Variants in SLC22A9 observed in about 807,000 individuals in gnomAD.
SLC22A9 encodes solute carrier family 22 member 9, also known as organic anion transporter 7.
Under a neutral mutation model 50.1 loss-of-function variants are expected in SLC22A9, and 64 were observed. The observed-to-expected ratio is 1.28, with a 90% CI of 1.04 to 1.57. The LOEUF (loss-of-function observed/expected upper bound fraction) is 1.57, where lower values mean the gene tolerates loss of function less well. Among genes scored for constraint, SLC22A9 ranks in the 40% most tolerant of loss-of-function variants. SLC22A9 has a pLI of 0.00. For missense variants in SLC22A9, 757 were observed against 676.1 expected, an observed-to-expected ratio of 1.12 and a Z score of -1.33; for synonymous variants, 261 against 242.5, an observed-to-expected ratio of 1.08 and a Z score of -0.71.
In SLC22A9 at chr11:63,392,127, TC is replaced by T. The variant is rs571609497; in HGVS notation, c.1073+9852del. Among the ~76,000 whole-genome samples the T allele has an allele frequency of 2.6e-3, 402 of 152,212 alleles. 10 individuals are homozygous for T. The highest frequency in any genetic ancestry group is 0.023 in the Admixed American group (351 of 15,282). On this transcript the variant is annotated intron_variant, in intron 6 of 9. Coordinates refer to ENST00000279178, the MANE Select transcript of SLC22A9 (RefSeq NM_080866.3). Reference sequence around the variant, plus strand: ...AAAATGTCTACACTGTAACTTTGTCTCCTGGCTTTTTAACCTTTTCTTGTTT... The same window carrying T: ...AAAATGTCTACACTGTAACTTTGTCTCTGGCTTTTTAACCTTTTCTTGTTT...
chr11:63,383,939 C>G (rs2014612904), intron 6 of SLC22A9, among the ~76,000 whole-genome samples: 1 of 151,802 alleles, frequency 6.6e-6, no homozygotes, highest in Admixed American at 6.6e-5. Flanking sequence ...GTCCCAGCTA[C>G]TTGGGAGGCT....
At chr11:63,375,614 C>T (rs750173995) in intron 4 of SLC22A9, 31 bp from the exon 5 acceptor site, 11 of 1,599,366 alleles carry the variant, frequency 6.9e-6, no homozygotes, top group South Asian at 5.6e-5. Flanking sequence ...AAGTGAAAGT[C>T]GACTGCCCCT....
intron 6 of SLC22A9, among the ~76,000 whole-genome samples, chr11:63,403,076 C>A (rs573218456): frequency 6.6e-6 from 1 of 152,032 alleles, no homozygotes; most frequent in African/African-American, 2.4e-5. Context: ...TGGACAGATT[C>A]TAAGAATTTC....
intron 5 of SLC22A9, among the ~76,000 whole-genome samples, chr11:63,380,429 A>C (rs909664309): frequency 6.6e-6 from 1 of 152,206 alleles, no homozygotes; most frequent in East Asian, 1.9e-4. Flanking sequence ...AAGACATGGA[A>C]TCAACCTAAA....
intron 5 of SLC22A9, among the ~76,000 whole-genome samples, chr11:63,376,861 A>T (rs2119882434): frequency 6.6e-6 from 1 of 152,168 alleles, no homozygotes; most frequent in African/African-American, 2.4e-5. Flanking sequence ...GAAAAATCTA[A>T]CAAGCAAATG....
In SLC22A9 at chr11:63,408,858, C is replaced by G. The variant is rs145447525; in HGVS notation, c.1580C>G (p.Thr527Ser). The change falls in exon 9 of 10, where the codon ACC becomes AGC. Residue 527 changes from threonine to serine, a missense_variant. By Grantham distance (58) the Thr-to-Ser change is moderately conservative. Coordinates refer to ENST00000279178, the MANE Select transcript of SLC22A9 (RefSeq NM_080866.3). ...PETRNKPLFD[T>S]IQDEKNERKD... ...ACCAGGAACAAGCCTCTGTTTGACA[C>G]CATCCAGGATGAGAAAAATGAGTGA... The G allele has an allele frequency of 3.4e-5, 55 of 1,613,796 alleles. No homozygotes were observed. Among genetic ancestry groups the G allele is most frequent in the Middle Eastern group, 3.3e-4 (2 of 6,076 alleles).
chr11:63,386,241 C>T (rs142805991), intron 6 of SLC22A9, among the ~76,000 whole-genome samples: 29 of 152,050 alleles, frequency 1.9e-4, no homozygotes, highest in Admixed American at 3.3e-4. Flanking sequence ...AGGATATAGG[C>T]CTGAAGTATT....
At chr11:63,378,083 G>C (rs2014495321) in intron 5 of SLC22A9, among the ~76,000 whole-genome samples, 1 of 151,768 alleles carries the variant, frequency 6.6e-6, no homozygotes, top group South Asian at 2.1e-4. Flanking sequence ...AAAATCCCTG[G>C]GCCACATGGA....
At chr11:63,371,511 G>A (rs149154679) in intron 2 of SLC22A9, among the ~76,000 whole-genome samples, 1,833 of 152,216 alleles carry the variant, frequency 0.012, 45 homozygotes, top group African/African-American at 0.042. Context: ...TTAGAAATAT[G>A]AGAAAGAGTT....
intron 6 of SLC22A9, among the ~76,000 whole-genome samples, chr11:63,399,267 G>A (rs1265027183): frequency 1.3e-5 from 2 of 152,128 alleles, no homozygotes; most frequent in Non-Finnish European, 1.5e-5. Context: ...AGCTGAATGG[G>A]TTAAAAAACA....
chr11:63,408,840 A>G lies in SLC22A9; in HGVS notation c.1562A>G (p.Asn521Ser). The G allele has an allele frequency of 6.2e-7, 1 of 1,613,922 alleles. No homozygotes were observed. The highest frequency in any genetic ancestry group is 1.7e-5 in the Admixed American group (1 of 59,972). Residue 521 changes from asparagine to serine, a missense_variant, in exon 9 of 10, where the codon AAC (asparagine) becomes AGC (serine). Physicochemically the swap from Asn to Ser is conservative, Grantham distance 46. Transcript: ENST00000279178. ...TTCCTCCTCCTTCCTGAAACCAGGA[A>G]CAAGCCTCTGTTTGACACCATCCAG... ...FAFLLLPETR[N>S]KPLFDTIQDE...
chr11:63,404,905 A>C (rs1286845978), intron 6 of SLC22A9, among the ~76,000 whole-genome samples: 1 of 152,146 alleles, frequency 6.6e-6, no homozygotes, highest in Non-Finnish European at 1.5e-5. Context: ...GCGTAAATTC[A>C]GTACACCACC....
At chr11:63,385,032 T>C (rs1467888160) in intron 6 of SLC22A9, among the ~76,000 whole-genome samples, 1 of 142,552 alleles carries the variant, frequency 7.0e-6, no homozygotes, top group Admixed American at 7.1e-5. Context: ...GACTGGATAT[T>C]ACATCTTTGT....
chr11:63,370,049 C>T lies in SLC22A9; in HGVS notation c.-8C>T. On this transcript the variant is annotated 5_prime_UTR_variant, in exon 1 of 10. Coordinates refer to ENST00000279178, the MANE Select transcript of SLC22A9 (RefSeq NM_080866.3). Reference sequence around the variant, plus strand: ...TGCCTCTACTTGAGGATCAACTGTTCAACCTCAATGGCCTTTCAGGACCTC... The same window carrying T: ...TGCCTCTACTTGAGGATCAACTGTTTAACCTCAATGGCCTTTCAGGACCTC... The T allele has an allele frequency of 6.2e-7, 1 of 1,604,994 alleles. No homozygotes were observed. Among genetic ancestry groups the T allele is most frequent in the Non-Finnish European group, 8.5e-7 (1 of 1,175,402 alleles).
At chr11:63,405,762 A>G (rs1180745361) in intron 6 of SLC22A9, among the ~76,000 whole-genome samples, 1 of 152,124 alleles carries the variant, frequency 6.6e-6, no homozygotes, top group African/African-American at 2.4e-5. Context: ...TGTGGCCCTC[A>G]GGATAGTGAA....
At chr11:63,404,689 T>C (rs1199090421) in intron 6 of SLC22A9, among the ~76,000 whole-genome samples, 2 of 152,294 alleles carry the variant, frequency 1.3e-5, no homozygotes, top group East Asian at 3.9e-4. Context: ...GATGGCCTGA[T>C]GCCTAGTTGT....
At chr11:63,400,486 G>A (rs2014934046) in intron 6 of SLC22A9, among the ~76,000 whole-genome samples, 1 of 151,950 alleles carries the variant, frequency 6.6e-6, no homozygotes, top group African/African-American at 2.4e-5. Context: ...ACCATGAACA[G>A]AGCAATAACC....
chr11:63,381,585 G>T (rs1471237424), intron 5 of SLC22A9, among the ~76,000 whole-genome samples: 5 of 152,082 alleles, frequency 3.3e-5, no homozygotes, highest in African/African-American at 1.2e-4. Context: ...GGTAGCTGAG[G>T]GTATGTACAG....
At chr11:63,379,523 A>C (rs1458288919) in intron 5 of SLC22A9, among the ~76,000 whole-genome samples, 1 of 152,232 alleles carries the variant, frequency 6.6e-6, no homozygotes, top group Admixed American at 6.5e-5. Context: ...GGACCAAATA[A>C]ACTAAAGAGC....
Sources: gnomAD v4.1 joint callset for allele counts (sites outside exome capture counted in the v4.1 genomes callset) on GRCh38, gnomAD v4.1.1 for gene constraint, MANE v1.5 for transcripts, NCBI Gene and HGNC (gene_info 2026-07-23, HGNC 2026-07-21) for gene names.